SPECC1L: variants seen among roughly 807,000 people sequenced by gnomAD.
The protein encoded by SPECC1L is cytospin-A.
A neutral mutation model predicts 116.8 loss-of-function variants in SPECC1L; 40 were observed. The ratio of observed to expected loss-of-function variants is 0.34; its 90% CI spans 0.27 to 0.45. The LOEUF (loss-of-function observed/expected upper bound fraction) is 0.45. Among genes scored for constraint, SPECC1L ranks in the 20% least tolerant of loss-of-function variants. The probability of loss-of-function intolerance (pLI) is 1.00; values close to 1 mark genes in which losing one functional copy is unlikely to be tolerated. For missense variants in SPECC1L, 1,110 were observed against 1,373.6 expected (o/e 0.81, Z 3.03); for synonymous variants, 504 against 500.6 (o/e 1.01, Z -0.09).
At chr22:24,332,707 T>A (rs530047199) in intron 8 of SPECC1L, among the ~76,000 whole-genome samples, 1 of 145,262 alleles carries the variant, frequency 6.9e-6, no homozygotes, top group East Asian at 2.0e-4. Context: ...TTCTTACTAA[T>A]TTTTTTTTTT....
chr22:24,314,980 C>T (rs1413289221), intron 4 of SPECC1L, among the ~76,000 whole-genome samples: 1 of 152,214 alleles, frequency 6.6e-6, no homozygotes, highest in African/African-American at 2.4e-5. Flanking sequence ...AATTATCCTA[C>T]AGTCCAAGGA....
intron 8 of SPECC1L, 76 bp from the exon 9 acceptor site, chr22:24,334,334 C>A: frequency 6.7e-7 from 1 of 1,499,508 alleles, no homozygotes; most frequent in Non-Finnish European, 9.3e-7. Flanking sequence ...GTTTTTAATG[C>A]CTTTCAGCTG....
intron 11 of SPECC1L, among the ~76,000 whole-genome samples, chr22:24,347,702 G>A (rs1251539196): frequency 6.6e-6 from 1 of 152,052 alleles, no homozygotes; most frequent in East Asian, 1.9e-4. Flanking sequence ...TTAAGCTGGA[G>A]TATCACTCTG....
intron 11 of SPECC1L, among the ~76,000 whole-genome samples, chr22:24,353,215 T>G (rs1249265976): frequency 1.3e-5 from 2 of 152,200 alleles, no homozygotes; most frequent in African/African-American, 4.8e-5. Flanking sequence ...ACTAATGTCC[T>G]TTTTTAATTC....
intron 2 of SPECC1L, among the ~76,000 whole-genome samples, chr22:24,296,201 C>T (rs2049258555): frequency 1.3e-5 from 2 of 152,192 alleles, no homozygotes; most frequent in South Asian, 4.1e-4. Flanking sequence ...GAGAGAATTA[C>T]TTGCAATCTC....
intron 14 of SPECC1L, among the ~76,000 whole-genome samples, chr22:24,389,109 ATTT>A (rs763818960): frequency 1.0e-5 from 1 of 99,950 alleles, no homozygotes; most frequent in Non-Finnish European, 2.0e-5. Context: ...TCTATAACTG[ATTT>A]TTTTTTTTTT....
intron 9 of SPECC1L, among the ~76,000 whole-genome samples, chr22:24,335,589 T>G (rs1487910538): frequency 6.6e-6 from 1 of 152,240 alleles, no homozygotes; most frequent in Non-Finnish European, 1.5e-5. Context: ...GCTCAAATTT[T>G]TATCTAGAAA....
At position 24,322,084 on chromosome 22, in the gene SPECC1L, C is replaced by T. The variant is rs2040733644; in HGVS notation, c.1104C>T (p.Ser368=). 5.6e-6 allele frequency: 9 copies of T among 1,614,150 alleles called. No individual in the cohort carries two copies. The highest frequency in any genetic ancestry group is 4.0e-5 in the African/African-American group (3 of 75,044). The part of the protein sequence containing the change: ...SSDDALDAPS[S]SESEGIPSIE... ...ATGATGCGCTGGATGCACCATCCTC[C>T]TCAGAGTCGGAAGGCATCCCCAGCA... The change falls in exon 5 of 17, where the codon TCC becomes TCT. Residue 368 remains serine (S), a synonymous_variant. Coordinates refer to ENST00000314328, the MANE Select transcript of SPECC1L (RefSeq NM_015330.6).
chr22:24,403,903 C>G (rs8138501), intron 14 of SPECC1L, among the ~76,000 whole-genome samples: 4 of 152,208 alleles, frequency 2.6e-5, no homozygotes, highest in Non-Finnish European at 5.9e-5. Context: ...ACCCTTCAGC[C>G]CAGGAGTTCA....
chr22:24,368,729 C>A (rs970759824), intron 13 of SPECC1L, among the ~76,000 whole-genome samples: 3 of 152,202 alleles, frequency 2.0e-5, no homozygotes, highest in African/African-American at 7.2e-5. Flanking sequence ...TCACTGCAAC[C>A]TCCATCTCTA....
At chr22:24,345,445 A>G (rs61588362) in intron 10 of SPECC1L, among the ~76,000 whole-genome samples, 2,452 of 152,138 alleles carry the variant, frequency 0.016, 53 homozygotes, top group African/African-American at 0.056. Flanking sequence ...AAGCAAGTTG[A>G]TAAATTAGGC....
intron 14 of SPECC1L, among the ~76,000 whole-genome samples, chr22:24,375,808 G>A (rs1396119468): frequency 6.6e-6 from 1 of 152,076 alleles, no homozygotes; most frequent in African/African-American, 2.4e-5. Context: ...AAACTAGCCA[G>A]GTGTAGTGGC....
chr22:24,330,490 A>G lies in SPECC1L; in HGVS notation c.2396+59A>G, dbSNP rs149866091. 1,617 of 1,569,568 alleles carry G rather than the reference A, an allele frequency of 1.0e-3. 8 individuals are homozygous for G. The African/African-American group carries it at 0.015, about 14-fold the overall frequency. ...TTCAGTAGAGAACACTTAAATCCCAATTTTTGATGTGGTGCTATGGAAAAA... is the reference window on the plus strand; with the variant it reads ...TTCAGTAGAGAACACTTAAATCCCAGTTTTTGATGTGGTGCTATGGAAAAA... On this transcript the variant is annotated intron_variant, in intron 8 of 16. Transcript: ENST00000314328.
chr22:24,326,099 G>T (rs1198566456), intron 6 of SPECC1L, among the ~76,000 whole-genome samples: 1 of 151,974 alleles, frequency 6.6e-6, no homozygotes, highest in Non-Finnish European at 1.5e-5. Context: ...AATTACAGGC[G>T]CCCACTACCA....
Position 24,414,769 on chromosome 22 carries a change from G to A in SPECC1L, c.*146G>A, listed in dbSNP as rs200817738. 1.4e-5 allele frequency: 10 copies of A among 701,274 alleles called. No homozygotes were observed. The highest frequency in any genetic ancestry group is 2.0e-5 in the Non-Finnish European group (8 of 397,588). The allele number at this position is 701,274 out of a possible 1,614,324, so 43.4% of individuals were successfully genotyped here. The stretch of plus-strand genomic sequence containing the variant: ...TGTGAGCCTCCAGCTCGGGGCTTCC[G>A]TATTGGAAGAACTCAGCCGTGTGGC... On this transcript the variant is annotated 3_prime_UTR_variant, in exon 17 of 17. Coordinates refer to ENST00000314328, the MANE Select transcript of SPECC1L (RefSeq NM_015330.6).
intron 14 of SPECC1L, among the ~76,000 whole-genome samples, chr22:24,389,579 T>C (rs959276573): frequency 1.3e-5 from 2 of 151,898 alleles, no homozygotes; most frequent in Non-Finnish European, 2.9e-5. Flanking sequence ...GCCAGAAGTT[T>C]CCTAGCATGC....
chr22:24,359,783 C>T (rs1435802954), intron 11 of SPECC1L, among the ~76,000 whole-genome samples: 1 of 152,196 alleles, frequency 6.6e-6, no homozygotes, highest in Non-Finnish European at 1.5e-5. Context: ...TCTAAGCTCT[C>T]CTTTGCCTGC....
In SPECC1L at chr22:24,414,785, G is replaced by A; in HGVS notation, c.*162G>A. On this transcript the variant is annotated 3_prime_UTR_variant, in exon 17 of 17. Transcript: ENST00000314328. ...GGGGCTTCCGTATTGGAAGAACTCAGCCGTGTGGCCCACAGCTCCCACCAG... is the reference window on the plus strand; with the variant it reads ...GGGGCTTCCGTATTGGAAGAACTCAACCGTGTGGCCCACAGCTCCCACCAG... 4.5e-6 allele frequency: 3 copies of A among 661,236 alleles called. No homozygotes were observed. In the South Asian group the frequency reaches 5.1e-5, roughly 11 times the overall value. The allele number at this position is 661,236 out of a possible 1,614,324, so 41.0% of individuals were successfully genotyped here.
At chr22:24,340,009 T>A (rs2041139703) in intron 10 of SPECC1L, among the ~76,000 whole-genome samples, 1 of 151,986 alleles carries the variant, frequency 6.6e-6, no homozygotes, top group African/African-American at 2.4e-5. Flanking sequence ...GGTCTTGAGC[T>A]CCTGAGCTCA....
Sources: allele counts gnomAD v4.1 joint callset (sites outside exome capture counted in the v4.1 genomes callset), GRCh38; gene constraint gnomAD v4.1.1; transcripts MANE v1.5; gene names NCBI Gene and HGNC (gene_info 2026-07-23, HGNC 2026-07-21).